The following CCDC102A variants were observed in gnomAD, a reference collection of about 807,000 sequenced individuals.
CCDC102A encodes the protein coiled-coil domain-containing protein 102A.
A neutral mutation model predicts 55.5 loss-of-function variants in CCDC102A; 40 were observed. That is an observed-to-expected ratio of 0.72 (90% confidence interval 0.56 to 0.94). CCDC102A has a LOEUF of 0.94. CCDC102A is among the 40% of genes least tolerant of loss of function. The pLI, the probability that CCDC102A is intolerant of heterozygous loss-of-function variation, is 0.00. For missense variants in CCDC102A, 779 were observed against 768.6 expected, an observed-to-expected ratio of 1.01 and a Z score of -0.16; for synonymous variants, 323 against 339.0, an observed-to-expected ratio of 0.95 and a Z score of 0.52.
At chr16:57,531,949 C>G (rs760064545) in intron 1 of CCDC102A, among the ~76,000 whole-genome samples, 1 of 152,198 alleles carries the variant, frequency 6.6e-6, no homozygotes, top group Non-Finnish European at 1.5e-5. Flanking sequence ...CAAGGTTCCT[C>G]CGTGCTGCTC....
chr16:57,516,282 G>A lies in CCDC102A; in HGVS notation c.1419+11C>T. ...GGTCTGTTGCTGCCCCTGCCCCTCT[G>A]TGGTCCTCACCTCGTCCTCAGCCTG... On this transcript the variant is annotated intron_variant, in intron 7 of 8. Coordinates refer to ENST00000258214, the MANE Select transcript of CCDC102A (RefSeq NM_033212.4). This position sits in a 1 kb window ranked among gnomAD's most constrained non-coding sequence, Gnocchi z 4.4. The A allele has an allele frequency of 6.2e-7, 1 of 1,602,302 alleles. No homozygotes were observed. The highest frequency in any genetic ancestry group is 8.5e-7 in the Non-Finnish European group (1 of 1,179,540).
chr16:57,515,648 C>T (rs1282837226), intron 7 of CCDC102A, among the ~76,000 whole-genome samples: 2 of 152,096 alleles, frequency 1.3e-5, no homozygotes, highest in Non-Finnish European at 2.9e-5. Flanking sequence ...TCCTCTTGCA[C>T]ATCTACCCAT....
intron 3 of CCDC102A, among the ~76,000 whole-genome samples, chr16:57,522,431 A>C (rs1265250539): frequency 1.3e-5 from 2 of 152,088 alleles, no homozygotes; most frequent in Non-Finnish European, 2.9e-5. Flanking sequence ...TCATCTCTTA[A>C]AGACTACCCT....
intron 5 of CCDC102A, among the ~76,000 whole-genome samples, 157 bp downstream of exon 5, chr16:57,518,468 A>G (rs577389009): frequency 2.6e-5 from 4 of 152,312 alleles, no homozygotes; most frequent in Admixed American, 1.3e-4. Flanking sequence ...TGTGTGGGAG[A>G]GAGGCCTGCC....
intron 3 of CCDC102A, among the ~76,000 whole-genome samples, chr16:57,522,837 T>C (rs1442919160): frequency 1.3e-5 from 2 of 152,222 alleles, no homozygotes; most frequent in Non-Finnish European, 2.9e-5. Context: ...AGAGGAGCTA[T>C]GCCCAAGCAC....
intron 1 of CCDC102A, among the ~76,000 whole-genome samples, chr16:57,530,869 C>T (rs754793511): frequency 9.9e-5 from 15 of 151,946 alleles, no homozygotes; most frequent in East Asian, 1.9e-4. Context: ...CTCTGTCACC[C>T]GGCCACCTGT....
chr16:57,518,040 G>C, intron 6 of CCDC102A, 28 bp downstream of exon 6: 1 of 1,572,106 alleles, frequency 6.4e-7, no homozygotes, highest in East Asian at 2.3e-5. Flanking sequence ...GGCAGCCCCA[G>C]CACTGGCCAC....
At chr16:57,519,480 C>T (rs1234432826) in intron 4 of CCDC102A, among the ~76,000 whole-genome samples, 2 of 152,362 alleles carry the variant, frequency 1.3e-5, no homozygotes, top group Non-Finnish European at 2.9e-5. Context: ...AATTCCAACA[C>T]TGCTCTGCAC....
intron 2 of CCDC102A, among the ~76,000 whole-genome samples, chr16:57,527,511 T>C (rs1368895206): frequency 2.1e-5 from 3 of 145,170 alleles, no homozygotes; most frequent in Admixed American, 7.0e-5. Flanking sequence ...TCTCCACCTC[T>C]CGGGTTAAAG....
At chr16:57,519,794 C>G (rs2032014835) in intron 4 of CCDC102A, among the ~76,000 whole-genome samples, 1 of 152,224 alleles carries the variant, frequency 6.6e-6, no homozygotes, top group Non-Finnish European at 1.5e-5. Flanking sequence ...GTCTGGGAAT[C>G]TGTATTTTAG....
chr16:57,523,423 C>T (rs372103051), intron 3 of CCDC102A, among the ~76,000 whole-genome samples: 74 of 152,182 alleles, frequency 4.9e-4, no homozygotes, highest in East Asian at 1.7e-3. Context: ...CAACAATGTC[C>T]GCAAAAGCAT....
Position 57,518,709 on chromosome 16 carries a change from C to G in CCDC102A, c.954G>C (p.Glu318Asp). The change falls in exon 5 of 9, where the codon GAG becomes GAC. Residue 318 changes from glutamate (E) to aspartate (D), a missense_variant. Physicochemically the swap from Glu to Asp is conservative, Grantham distance 45. Coordinates refer to ENST00000258214, the MANE Select transcript of CCDC102A (RefSeq NM_033212.4). ...CCAGGTCCTCAGACATGCGGCCCAG[C>G]TCGTCCTGGTGCGCCTCCTTCAGGA... ...LSILKEAHQD[E>D]LGRMSEDLED... is the part of the protein sequence containing the mutation. The G allele has an allele frequency of 6.2e-7, 1 of 1,611,138 alleles. No homozygotes were observed. The highest frequency in any genetic ancestry group is 8.5e-7 in the Non-Finnish European group (1 of 1,178,744).
At position 57,516,233 on chromosome 16, in the gene CCDC102A, C is replaced by T. The variant is rs549636408; in HGVS notation, c.1419+60G>A. The T allele has an allele frequency of 1.2e-4, 187 of 1,532,788 alleles. No homozygotes were observed. In the Middle Eastern group the frequency reaches 1.9e-3, roughly 15 times the overall value. The allele number at this position is 1,532,788 out of a possible 1,614,324, so 94.9% of individuals were successfully genotyped here. On this transcript the variant is annotated intron_variant, in intron 7 of 8. Coordinates refer to ENST00000258214, the MANE Select transcript of CCDC102A (RefSeq NM_033212.4). This position sits in a 1 kb window ranked among gnomAD's most constrained non-coding sequence, Gnocchi z 4.4. ...GAATGGAGAAGCCAGGATGGCCCTG[C>T]GGCCCCCACTCCTCCCTGGCCAAGG...
chr16:57,524,514 T>C (rs1443040641), intron 3 of CCDC102A, among the ~76,000 whole-genome samples: 1 of 151,852 alleles, frequency 6.6e-6, no homozygotes, highest in Non-Finnish European at 1.5e-5. Flanking sequence ...GAGGCAGAGG[T>C]TACAGTGAGT....
chr16:57,512,452 G>C lies in CCDC102A; in HGVS notation c.*289C>G. 2.4e-6 allele frequency: 1 copy of C among 410,766 alleles called. No individual in the cohort carries two copies. The highest frequency in any genetic ancestry group is 4.3e-6 in the Non-Finnish European group (1 of 233,476). The allele number at this position is 410,766 out of a possible 1,614,324, so 25.4% of individuals were successfully genotyped here. ...AGTCCTGGGTGGGTGAGGTCATCTGGACTGGGCCTTGGAGCTGTCCTGTAT... is the reference window on the plus strand; with the variant it reads ...AGTCCTGGGTGGGTGAGGTCATCTGCACTGGGCCTTGGAGCTGTCCTGTAT... On this transcript the variant is annotated 3_prime_UTR_variant, in exon 9 of 9. Transcript: ENST00000258214.
intron 1 of CCDC102A, among the ~76,000 whole-genome samples, chr16:57,530,045 A>G (rs182656953): frequency 6.6e-6 from 1 of 152,346 alleles, no homozygotes; most frequent in Non-Finnish European, 1.5e-5. Flanking sequence ...CTATGAGTAC[A>G]AATTCAAACT....
In CCDC102A at chr16:57,512,193, CATTT is replaced by C; in HGVS notation, c.*544_*547del. 2.7e-6 allele frequency: 1 copy of C among 371,962 alleles called. No homozygotes were observed. The allele number at this position is 371,962 out of a possible 1,614,324, so 23.0% of individuals were successfully genotyped here. ...TCATTCTTTCTTCTTCACATTCACT[CATTT>C]ATTAAGTTACTTGACATTCCTGAGC... On this transcript the variant is annotated 3_prime_UTR_variant, in exon 9 of 9. Coordinates refer to ENST00000258214, the MANE Select transcript of CCDC102A (RefSeq NM_033212.4).
At position 57,516,177 on chromosome 16, in the gene CCDC102A, A is replaced by G. The variant is rs1403502817; in HGVS notation, c.1419+116T>C. 9.6e-7 allele frequency: 1 copy of G among 1,042,518 alleles called. No homozygotes were observed. The highest frequency in any genetic ancestry group is 1.4e-6 in the Non-Finnish European group (1 of 716,370). The allele number at this position is 1,042,518 out of a possible 1,614,324, so 64.6% of individuals were successfully genotyped here. A position where few individuals can be genotyped will look rare whatever the true frequency, so the allele number is the denominator to read the frequency against. ...CACTCTATCCTGGGCGACTCCTGAG[A>G]GACAGGCTTGTGCCAGGCACCAGGG... On this transcript the variant is annotated intron_variant, in intron 7 of 8. Coordinates refer to ENST00000258214, the MANE Select transcript of CCDC102A (RefSeq NM_033212.4). The surrounding 1 kb of genome is among the most constrained non-coding windows in gnomAD (Gnocchi z 4.4).
At chr16:57,531,160 T>C (rs2032253034) in intron 1 of CCDC102A, among the ~76,000 whole-genome samples, 1 of 152,004 alleles carries the variant, frequency 6.6e-6, no homozygotes, top group African/African-American at 2.4e-5. Context: ...GAGCTTCCCA[T>C]ACCTCCAACC....
Sources: gnomAD v4.1 joint callset for allele counts (sites outside exome capture counted in the v4.1 genomes callset) on GRCh38, gnomAD v4.1.1 for gene constraint, Gnocchi (gnomAD v3.1) non-coding constraint, MANE v1.5 for transcripts, NCBI Gene and HGNC (gene_info 2026-07-23, HGNC 2026-07-21) for gene names.